The following PCDH7 variants were observed in gnomAD, a reference collection of about 807,000 sequenced individuals.
The protein encoded by PCDH7 is protocadherin-7.
PCDH7 carries 17 observed loss-of-function variants against 58.9 expected under a neutral mutation model. That is an observed-to-expected ratio of 0.29 (90% CI 0.20 to 0.43). PCDH7 has a LOEUF of 0.43. PCDH7 is among the 20% of genes least tolerant of loss of function. The pLI is 1.00. For missense variants in PCDH7, 1,274 were observed against 1,441.0 expected (o/e 0.88, Z 1.88); for synonymous variants, 664 against 616.4 (o/e 1.08, Z -1.14).
At chr4:30,729,317 T>C (rs909750685) in intron 1 of PCDH7, among the ~76,000 whole-genome samples, 1 of 152,050 alleles carries the variant, frequency 6.6e-6, no homozygotes, top group African/African-American at 2.4e-5. Flanking sequence ...TTTATGACTA[T>C]ATATTTGGCT....
In PCDH7 at chr4:30,920,200, A is replaced by G. The variant is rs572784909; in HGVS notation, c.120A>G (p.Pro40=). ...CTGTTGTGAGTCAGCCTCAGGACCCACATCAGGGGTCACTGCAGAGTTGCT... is the reference window on the plus strand; with the variant it reads ...CTGTTGTGAGTCAGCCTCAGGACCCGCATCAGGGGTCACTGCAGAGTTGCT... The change falls in exon 2 of 4, where the codon CCA becomes CCG. Residue 40 remains proline (P), a synonymous_variant. Coordinates refer to the PCDH7 transcript ENST00000509759. 58 of 1,367,732 alleles carry G rather than the reference A, an allele frequency of 4.2e-5. No homozygotes were observed. In the Admixed American group the frequency reaches 8.4e-4, roughly 20 times the overall value. 84.7% of individuals were successfully genotyped at this position (1,367,732 alleles called of 1,614,324 possible).
At chr4:30,861,187 G>A (rs182895589) in intron 1 of PCDH7, among the ~76,000 whole-genome samples, 1 of 152,178 alleles carries the variant, frequency 6.6e-6, no homozygotes, top group African/African-American at 2.4e-5. Context: ...CTTTGTATGT[G>A]AGGATGATGC....
At chr4:31,016,783 T>TTGTGTGTG (rs142533678) in intron 3 of PCDH7, among the ~76,000 whole-genome samples, 3 of 150,562 alleles carry the variant, frequency 2.0e-5, no homozygotes, top group Non-Finnish European at 4.4e-5. Context: ...ATAAGGGCTA[T>TTGTGTGTG]TGTGTGTGTG....
chr4:30,917,027 A>G (rs575629980), intron 1 of PCDH7, among the ~76,000 whole-genome samples: 6 of 152,322 alleles, frequency 3.9e-5, no homozygotes, highest in Admixed American at 2.0e-4. Context: ...TGACAGTTAC[A>G]TATATAATGC....
At chr4:31,136,465 C>G (rs978795552) in intron 3 of PCDH7, among the ~76,000 whole-genome samples, 3 of 152,074 alleles carry the variant, frequency 2.0e-5, no homozygotes, top group Admixed American at 6.5e-5. Flanking sequence ...GCAGGAAGGG[C>G]CCAGGAATGG....
At chr4:30,830,017 AACTT>A (rs1467734251) in intron 1 of PCDH7, among the ~76,000 whole-genome samples, 1 of 152,080 alleles carries the variant, frequency 6.6e-6, no homozygotes, top group African/African-American at 2.4e-5. Context: ...TAATTTTTAA[AACTT>A]ATTTATTCTG....
At chr4:31,024,349 G>A (rs571967308) in intron 3 of PCDH7, among the ~76,000 whole-genome samples, 2 of 152,070 alleles carry the variant, frequency 1.3e-5, no homozygotes, top group African/African-American at 4.8e-5. Context: ...TGCTTAATAG[G>A]AGAATTGAAA....
intron 1 of PCDH7, among the ~76,000 whole-genome samples, chr4:30,833,890 T>C (rs1730132089): frequency 6.6e-6 from 1 of 152,186 alleles, no homozygotes; most frequent in South Asian, 2.1e-4. Flanking sequence ...ACACTTTGTA[T>C]GAAGGAAGGA....
intron 1 of PCDH7, among the ~76,000 whole-genome samples, chr4:30,766,654 T>C (rs901303796): frequency 1.3e-5 from 2 of 151,624 alleles, no homozygotes; most frequent in Non-Finnish European, 2.9e-5. Flanking sequence ...CAAACATATA[T>C]ATATATATAT....
At position 30,721,287 on chromosome 4, in the gene PCDH7, C is replaced by G. The variant is rs1713466220; in HGVS notation, c.-136C>G. The stretch of plus-strand genomic sequence containing the variant: ...ACTCTCCACGCCGCTTTTGCCCCCT[C>G]CCTCCCCTCCCTCTCGCTCCTTCCT... On this transcript the variant is annotated 5_prime_UTR_variant, in exon 1 of 2. Coordinates refer to ENST00000361762, the Ensembl canonical transcript of PCDH7. This position sits in a 1 kb window ranked among gnomAD's most constrained non-coding sequence, Gnocchi z 6.7. The G allele has an allele frequency of 2.3e-6, 2 of 886,976 alleles. No homozygotes were observed. Among genetic ancestry groups the G allele is most frequent in the Non-Finnish European group, 3.3e-6 (2 of 613,774 alleles). The allele number at this position is 886,976 out of a possible 1,614,324, so 54.9% of individuals were successfully genotyped here.
intron 2 of PCDH7, among the ~76,000 whole-genome samples, chr4:30,926,744 T>C (rs753767042): frequency 2.0e-5 from 3 of 152,162 alleles, no homozygotes; most frequent in Admixed American, 6.5e-5. Context: ...ACTCTTTGTG[T>C]TCTTTGTCAT....
intron 3 of PCDH7, among the ~76,000 whole-genome samples, chr4:30,957,698 A>G (rs1200429223): frequency 6.6e-6 from 1 of 152,146 alleles, no homozygotes; most frequent in Admixed American, 6.5e-5. Context: ...TCTCAAAAGG[A>G]CACTGCATAT....
At chr4:30,855,170 C>T (rs2109349636) in intron 1 of PCDH7, among the ~76,000 whole-genome samples, 1 of 152,262 alleles carries the variant, frequency 6.6e-6, no homozygotes, top group East Asian at 1.9e-4. Flanking sequence ...AGCATCCATG[C>T]ATTGGCAGCA....
chr4:31,015,607 C>A lies in PCDH7; in HGVS notation c.*7+65392C>A, dbSNP rs1193117917. Among the ~76,000 whole-genome samples, 3 of 152,134 alleles carry A rather than the reference C, an allele frequency of 2.0e-5. No homozygotes were observed. The East Asian group carries it at 5.8e-4, about 29-fold the overall frequency. On this transcript the variant is annotated intron_variant, in intron 3 of 3. Coordinates refer to the PCDH7 transcript ENST00000509759. The stretch of plus-strand genomic sequence containing the variant: ...TAATTCTTCTAAAATCTCACACTAC[C>A]CAGAATCTGTCTCTGAACTCCCTCA...
At chr4:30,919,496 A>G (rs1353874912) in intron 1 of PCDH7, among the ~76,000 whole-genome samples, 9 of 152,200 alleles carry the variant, frequency 5.9e-5, no homozygotes, top group Non-Finnish European at 1.3e-4. Context: ...TTAAGAACAT[A>G]CAATTAAACT....
intron 3 of PCDH7, among the ~76,000 whole-genome samples, chr4:31,139,681 C>T (rs1444471834): frequency 3.3e-5 from 5 of 152,134 alleles, no homozygotes; most frequent in African/African-American, 7.2e-5. Flanking sequence ...TAATAAGTTG[C>T]ATCGTAATAC....
At chr4:31,115,213 G>T (rs925533148) in intron 3 of PCDH7, among the ~76,000 whole-genome samples, 14 of 152,164 alleles carry the variant, frequency 9.2e-5, no homozygotes, top group Admixed American at 9.2e-4. Context: ...AGAAATGCAT[G>T]TATTGAATGA....
chr4:31,114,578 A>G (rs1185180237), intron 3 of PCDH7, among the ~76,000 whole-genome samples: 1 of 151,406 alleles, frequency 6.6e-6, no homozygotes, highest in African/African-American at 2.4e-5. Context: ...TATTGGATCT[A>G]TTTTATCAAT....
At chr4:30,980,698 A>T (rs1010323052) in intron 3 of PCDH7, among the ~76,000 whole-genome samples, 1 of 152,166 alleles carries the variant, frequency 6.6e-6, no homozygotes, top group Non-Finnish European at 1.5e-5. Context: ...CATTTGAAAC[A>T]ATTTCTGTCT....
Sources: gnomAD v4.1 joint callset for allele counts (sites outside exome capture counted in the v4.1 genomes callset) on GRCh38, gnomAD v4.1.1 for gene constraint, Gnocchi (gnomAD v3.1) non-coding constraint, MANE v1.5 for transcripts, NCBI Gene and HGNC (gene_info 2026-07-23, HGNC 2026-07-21) for gene names.